The following TUSC3 variants were observed in gnomAD, a reference collection of about 807,000 sequenced individuals.
The protein encoded by TUSC3 is dolichyl-diphosphooligosaccharide--protein glycosyltransferase subunit TUSC3.
TUSC3 carries 45 observed loss-of-function variants against 44.8 expected under a neutral mutation model. The observed-to-expected ratio is 1.00, with a 90% CI of 0.79 to 1.29. TUSC3 has a LOEUF of 1.29. Ranked by LOEUF, TUSC3 falls within the 50% of genes most tolerant of loss-of-function variation. The pLI is 0.00. For missense variants in TUSC3, 519 were observed against 437.9 expected, an observed-to-expected ratio of 1.19 and a Z score of -1.65; for synonymous variants, 212 against 152.9, an observed-to-expected ratio of 1.39 and a Z score of -2.85.
At chr8:15,513,832 A>C (rs1421130211) in intron 2 of TUSC3, among the ~76,000 whole-genome samples, 1 of 152,140 alleles carries the variant, frequency 6.6e-6, no homozygotes, top group African/African-American at 2.4e-5. Context: ...GTCAATGAGC[A>C]AGCTCCTTCT....
At chr8:15,835,878 G>C in the TUSC3 span, among the ~76,000 whole-genome samples, 2 of 151,804 alleles carry the variant, frequency 1.3e-5, no homozygotes, top group Non-Finnish European at 2.9e-5. Flanking sequence ...TTCTGATATT[G>C]ATGTATTTTT....
chr8:15,841,214 A>G, the TUSC3 span, among the ~76,000 whole-genome samples: 54 of 152,196 alleles, frequency 3.5e-4, no homozygotes, highest in African/African-American at 1.3e-3. Context: ...AATCTGCTTC[A>G]GTTTCTGTAT....
intron 1 of TUSC3, among the ~76,000 whole-genome samples, chr8:15,451,677 G>C (rs965170050): frequency 8.5e-5 from 13 of 152,158 alleles, no homozygotes; most frequent in African/African-American, 3.1e-4. Flanking sequence ...CTGAGGAAGG[G>C]ATAGTGGGAA....
chr8:15,643,177 CG>C (rs574629632), intron 2 of TUSC3, among the ~76,000 whole-genome samples: 1 of 152,210 alleles, frequency 6.6e-6, no homozygotes, highest in African/African-American at 2.4e-5. Flanking sequence ...TTTTGCCTTC[CG>C]CCATGATCAT....
At chr8:15,485,896 G>T (rs1346560716) in intron 2 of TUSC3, among the ~76,000 whole-genome samples, 1 of 152,062 alleles carries the variant, frequency 6.6e-6, no homozygotes, top group Non-Finnish European at 1.5e-5. Context: ...GGGTTCAAGT[G>T]ATTCCTGCCT....
chr8:15,794,039 T>C, the TUSC3 span, among the ~76,000 whole-genome samples: 2 of 152,310 alleles, frequency 1.3e-5, no homozygotes, highest in Admixed American at 6.5e-5. Context: ...GCCCCAAGTG[T>C]TGCCTGCCAT....
chr8:15,598,033 T>G (rs1335305657), intron 1 of TUSC3, among the ~76,000 whole-genome samples: 1 of 152,044 alleles, frequency 6.6e-6, no homozygotes, highest in African/African-American at 2.4e-5. Context: ...AAATTTGTTG[T>G]TTCTAGATTC....
chr8:15,600,775 T>G (rs1221518130), intron 1 of TUSC3, among the ~76,000 whole-genome samples: 1 of 151,714 alleles, frequency 6.6e-6, no homozygotes, highest in Non-Finnish European at 1.5e-5. Flanking sequence ...ATTCTAAACT[T>G]TTTAATGTTT....
chr8:15,582,573 C>T (rs1237895713), intron 1 of TUSC3, among the ~76,000 whole-genome samples: 2 of 152,104 alleles, frequency 1.3e-5, no homozygotes, highest in African/African-American at 4.8e-5. Flanking sequence ...CTATAAATAA[C>T]ATTGTGAAAG....
intron 2 of TUSC3, among the ~76,000 whole-genome samples, chr8:15,634,534 C>A (rs914587928): frequency 6.6e-6 from 1 of 152,108 alleles, no homozygotes; most frequent in Non-Finnish European, 1.5e-5. Flanking sequence ...TCCATAAATT[C>A]CGTCTTAAGA....
intron 6 of TUSC3, among the ~76,000 whole-genome samples, chr8:15,716,693 T>C (rs773718511): frequency 6.6e-5 from 10 of 152,102 alleles, no homozygotes; most frequent in Non-Finnish European, 1.5e-4. Context: ...GAAACTTCAT[T>C]TACAAAAAAC....
chr8:15,521,069 T>C (rs1324169248), intron 2 of TUSC3, among the ~76,000 whole-genome samples: 1 of 152,218 alleles, frequency 6.6e-6, no homozygotes, highest in Non-Finnish European at 1.5e-5. Context: ...GATGAGTTTA[T>C]TAGGACTTAC....
chr8:15,508,348 CAA>C lies in TUSC3; in HGVS notation n.189+24866_189+24867del, dbSNP rs201994944. On this transcript the variant is annotated intron_variant and non_coding_transcript_variant, in intron 2 of 5. Coordinates refer to the TUSC3 transcript ENST00000503191. The stretch of plus-strand genomic sequence containing the variant: ...ATATCCTATTAACTGAGGTGAAGAA[CAA>C]GAGAAATGAATGACAAGATCTCAGG... Among the ~76,000 whole-genome samples, 523 of 149,462 alleles carry C rather than the reference CAA, an allele frequency of 3.5e-3. 2 individuals carry two copies. The highest frequency in any genetic ancestry group is 3.6e-3 in the Non-Finnish European group (244 of 67,752).
At chr8:15,653,507 A>G (rs1415158473) in intron 3 of TUSC3, among the ~76,000 whole-genome samples, 1 of 152,170 alleles carries the variant, frequency 6.6e-6, no homozygotes, top group Non-Finnish European at 1.5e-5. Context: ...TAATTATTCT[A>G]AAGTTTGGCG....
the TUSC3 span, among the ~76,000 whole-genome samples, chr8:15,825,797 C>G: frequency 1.1e-4 from 17 of 151,348 alleles, no homozygotes; most frequent in Middle Eastern, 7.0e-3. Context: ...AAGGCCTTGG[C>G]TATTTTACCT....
the TUSC3 span, among the ~76,000 whole-genome samples, chr8:15,842,502 G>A: frequency 6.6e-6 from 1 of 152,160 alleles, no homozygotes; most frequent in Non-Finnish European, 1.5e-5. Flanking sequence ...ATCAGAAGCA[G>A]ACTGATTACT....
chr8:15,504,607 ATATATATATATATATTTTTTTTT>A (rs1180463990), intron 2 of TUSC3, among the ~76,000 whole-genome samples: 11 of 25,124 alleles, frequency 4.4e-4, no homozygotes, highest in African/African-American at 2.0e-3. Flanking sequence ...ATATATATAT[ATATATATATATATATTTTTTTTT>A]TTTTTTTTTT....
At chr8:15,538,294 G>A (rs932210158), upstream of TUSC3, among the ~76,000 whole-genome samples, 1 of 152,176 alleles carries the variant, frequency 6.6e-6, no homozygotes, top group Non-Finnish European at 1.5e-5. Context: ...AACACTTCTG[G>A]TTCAGAGTGC....
intron 6 of TUSC3, among the ~76,000 whole-genome samples, chr8:15,692,371 C>CCCTT (rs1563175839): frequency 5.8e-4 from 11 of 18,810 alleles, no homozygotes; most frequent in South Asian, 7.2e-3. Context: ...CCCCCCCCCC[C>CCCTT]TTTGTTTTTT....
Sources: gnomAD v4.1 joint callset for allele counts (sites outside exome capture counted in the v4.1 genomes callset) on GRCh38, gnomAD v4.1.1 for gene constraint, MANE v1.5 for transcripts, NCBI Gene and HGNC (gene_info 2026-07-23, HGNC 2026-07-21) for gene names.